Variants in CHRNA10 observed in about 807,000 individuals in gnomAD.
CHRNA10 encodes cholinergic receptor nicotinic alpha 10 subunit.
A neutral mutation model predicts 36.0 loss-of-function variants in CHRNA10; 31 were observed. That is an observed-to-expected ratio of 0.86 (90% CI 0.65 to 1.16). CHRNA10 has a LOEUF of 1.16. Ranked by LOEUF, CHRNA10 falls within the 50% of genes most tolerant of loss-of-function variation. The pLI is 0.00. For missense variants in CHRNA10, 648 were observed against 640.9 expected (o/e 1.01, Z -0.12); for synonymous variants, 302 against 287.0 (o/e 1.05, Z -0.53).
Position 3,666,198 on chromosome 11 carries a change from C to T in CHRNA10, c.1262G>A (p.Arg421His), listed in dbSNP as rs536855924. 15 of 1,613,744 alleles carry T rather than the reference C, an allele frequency of 9.3e-6. No individual in the cohort carries two copies. Among genetic ancestry groups the T allele is most frequent in the East Asian group, 4.5e-5 (2 of 44,882 alleles). The change falls in exon 5 of 5, where the codon CGC (arginine) becomes CAC (histidine). Residue 421 changes from arginine (R) to histidine (H), a missense_variant. Physicochemically the swap from Arg to His is conservative, Grantham distance 29. Coordinates refer to ENST00000250699, the MANE Select transcript of CHRNA10 (RefSeq NM_020402.4). ...AAQRCHEDWKRLARVMDRFFL... is the reference protein window; with the variant it reads ...AAQRCHEDWKHLARVMDRFFL... ...GAAGCGGTCCATCACACGGGCCAGG[C>T]GCTTCCAGTCCTCATGGCAGCGCTG...
At chr11:3,666,689 G>T in intron 4 of CHRNA10, 125 bp from the exon 5 acceptor site, 1 of 715,800 alleles carries the variant, frequency 1.4e-6, no homozygotes, top group Non-Finnish European at 2.2e-6. Context: ...CAAGCCCCAT[G>T]GATGGAAGCA....
chr11:3,669,182 C>A lies in CHRNA10; in HGVS notation c.362+14G>T. 1.9e-6 allele frequency: 3 copies of A among 1,608,454 alleles called. No homozygotes were observed. The highest frequency in any genetic ancestry group is 1.3e-5 in the African/African-American group (1 of 74,968). On this transcript the variant is annotated intron_variant, in intron 3 of 4. Transcript: ENST00000250699. ...AGAGGGGTAAGAGAGAGGAGGGGCC[C>A]AGATAGGCAGTACTTGTTATAGAGT... is the stretch of plus-strand genomic sequence containing the variant.
chr11:3,668,271 T>TG (rs1236135960), intron 3 of CHRNA10, among the ~76,000 whole-genome samples: 1 of 152,164 alleles, frequency 6.6e-6, no homozygotes, highest in African/African-American at 2.4e-5. Context: ...CCCAGCACTT[T>TG]GGGAGGCCGA....
chr11:3,666,283 C>T lies in CHRNA10; in HGVS notation c.1177G>A (p.Glu393Lys). ...GTGGCTACGTGGTGCAGTAGGGCTT[C>T]CTGGCGGCACAGACATCGTGGCTCG... ...CHEPRCLCRQ[E>K]ALLHHVATIA... The change falls in exon 5 of 5, where the codon GAA becomes AAA. Residue 393 changes from glutamate to lysine, a missense_variant. By Grantham distance (56) the Glu-to-Lys change is moderately conservative. Transcript: ENST00000250699. 1 of 1,613,782 alleles carries T rather than the reference C, an allele frequency of 6.2e-7. No homozygotes were observed. Among genetic ancestry groups the T allele is most frequent in the Non-Finnish European group, 8.5e-7 (1 of 1,179,860 alleles).
chr11:3,668,890 C>A, intron 3 of CHRNA10: 1 of 259,134 alleles, frequency 3.9e-6, no homozygotes, highest in Non-Finnish European at 7.3e-6. Flanking sequence ...ACAGGCTCTT[C>A]GGGGAGCCCT....
intron 3 of CHRNA10, 157 bp downstream of exon 3, chr11:3,669,039 G>T: frequency 1.3e-6 from 1 of 751,734 alleles, no homozygotes; most frequent in Non-Finnish European, 2.1e-6. Flanking sequence ...CCATGGAGGG[G>T]CTGAGTGCCT....
intron 1 of CHRNA10, chr11:3,670,961 A>G: frequency 2.0e-6 from 1 of 488,800 alleles, no homozygotes; most frequent in Non-Finnish European, 3.7e-6. Flanking sequence ...GCTCCCCGTC[A>G]TCTGCAGGAG....
intron 3 of CHRNA10, 148 bp from the exon 4 acceptor site, chr11:3,667,912 C>CG: frequency 1.4e-6 from 1 of 698,302 alleles, no homozygotes. Context: ...GAGACACTCA[C>CG]GACGCAGGGG....
chr11:3,669,902 A>G lies in CHRNA10; in HGVS notation c.101T>C (p.Phe34Ser). The change falls in exon 2 of 5, where the codon TTC becomes TCC. Residue 34 changes from phenylalanine (F) to serine (S), a missense_variant. Phe to Ser is a radical substitution (Grantham distance 155). Transcript: ENST00000250699. ...TGTGTAGTTGGCAAAGAGGTCACGG[A>G]ACAGCTTGAGAGCCAGCCGGCCCTC... Reference protein sequence around the residue: ...GAEGRLALKLFRDLFANYTSA... With the variant: ...GAEGRLALKLSRDLFANYTSA... 6.2e-7 allele frequency: 1 copy of G among 1,614,188 alleles called. No individual in the cohort carries two copies. Among genetic ancestry groups the G allele is most frequent in the Non-Finnish European group, 8.5e-7 (1 of 1,180,044 alleles).
Position 3,667,384 on chromosome 11 carries a change from A to G in CHRNA10, c.743T>C (p.Val248Ala), listed in dbSNP as rs1230900470. 2 of 1,601,760 alleles carry G rather than the reference A, an allele frequency of 1.2e-6. No individual in the cohort carries two copies. The highest frequency in any genetic ancestry group is 1.7e-6 in the Non-Finnish European group (2 of 1,178,510). ...GAGCGGCGCAAGCAGCGAGATGAGC[A>G]CGCAGGGCAGCAGCAGGTTGCACAC... ...AYVCNLLLPCVLISLLAPLAF... is the reference protein window; with the variant it reads ...AYVCNLLLPCALISLLAPLAF... The change falls in exon 4 of 5, where the codon GTG (valine) becomes GCG (alanine). Residue 248 changes from valine (V) to alanine (A), a missense_variant. Val to Ala is a moderately conservative substitution (Grantham distance 64, BLOSUM62 0). Coordinates refer to ENST00000250699, the MANE Select transcript of CHRNA10 (RefSeq NM_020402.4).
chr11:3,671,177 T>A, intron 1 of CHRNA10, 75 bp downstream of exon 1: 1 of 1,428,024 alleles, frequency 7.0e-7, no homozygotes, highest in Admixed American at 1.7e-5. Flanking sequence ...AGAGACTACA[T>A]GGAAAGGGAT....
At chr11:3,668,224 C>G (rs749196433) in intron 3 of CHRNA10, among the ~76,000 whole-genome samples, 3 of 152,194 alleles carry the variant, frequency 2.0e-5, no homozygotes, top group Non-Finnish European at 4.4e-5. Context: ...TAATAAACTT[C>G]TGCTTGTGGC....
chr11:3,669,185 A>C lies in CHRNA10; in HGVS notation c.362+11T>G. ...GGGGTAAGAGAGAGGAGGGGCCCAG[A>C]TAGGCAGTACTTGTTATAGAGTACG... On this transcript the variant is annotated intron_variant, in intron 3 of 4. Transcript: ENST00000250699. 6.2e-7 allele frequency: 1 copy of C among 1,609,924 alleles called. No homozygotes were observed. Among genetic ancestry groups the C allele is most frequent in the African/African-American group, 1.3e-5 (1 of 75,006 alleles).
chr11:3,670,056 G>A (rs1307708529), intron 1 of CHRNA10, 115 bp from the exon 2 acceptor site: 14 of 1,132,896 alleles, frequency 1.2e-5, no homozygotes, highest in Non-Finnish European at 1.5e-5. Flanking sequence ...CCTGGTGTCT[G>A]CCTTCTCTTG....
intron 1 of CHRNA10, 128 bp downstream of exon 1, chr11:3,671,124 T>G (rs2077710721): frequency 2.0e-6 from 2 of 985,908 alleles, no homozygotes; most frequent in Non-Finnish European, 3.2e-6. Flanking sequence ...ACTCCCCAAA[T>G]AGAGAGCTTG....
Position 3,666,163 on chromosome 11 carries a change from T to G in CHRNA10, c.1297A>C (p.Ile433Leu). 1 of 1,605,352 alleles carries G rather than the reference T, an allele frequency of 6.2e-7. No homozygotes were observed. Among genetic ancestry groups the G allele is most frequent in the Non-Finnish European group, 8.5e-7 (1 of 1,175,742 alleles). ...ARVMDRFFLA[I>L]FFSMALVMSL... is the part of the protein sequence containing the mutation. Reference sequence around the variant, plus strand: ...ATGACCAGGGCCATGGAGAAGAAGATGGCCAGGAAGAAGCGGTCCATCACA... The same window carrying G: ...ATGACCAGGGCCATGGAGAAGAAGAGGGCCAGGAAGAAGCGGTCCATCACA... The change falls in exon 5 of 5, where the codon ATC becomes CTC. Residue 433 changes from isoleucine to leucine, a missense_variant. Ile to Leu is a conservative substitution (Grantham distance 5). Transcript: ENST00000250699.
rs574550219 is a variant in CHRNA10 at position 3,667,530 on chromosome 11, G to A, written c.597C>T (p.Asn199=). 60 of 1,586,442 alleles carry A rather than the reference G, an allele frequency of 3.8e-5. No homozygotes were observed. In the South Asian group the frequency reaches 6.6e-4, roughly 17 times the overall value. ...GCATGCCCAGCACGCGCCACTCCAC[G>A]TTCTCCACGAAGTCCGCCAGGCTGG... ...AAASLADFVE[N]VEWRVLGMPA... The change falls in exon 4 of 5, where the codon AAC becomes AAT. Residue 199 remains asparagine, a synonymous_variant. Transcript: ENST00000250699.
chr11:3,668,868 A>G lies in CHRNA10; in HGVS notation c.362+328T>C, dbSNP rs2077690985. 1.3e-5 allele frequency: 3 copies of G among 222,434 alleles called. No homozygotes were observed. The East Asian group carries it at 3.2e-4, about 24-fold the overall frequency. The allele number at this position is 222,434 out of a possible 1,614,324, so 13.8% of individuals were successfully genotyped here. A position where few individuals can be genotyped will look rare whatever the true frequency, so the allele number is the denominator to read the frequency against. ...TCCAGAGGGCTATGTCCTGGAGGAA[A>G]GAGACCCTTACACAGGCTCTTCGGG... On this transcript the variant is annotated intron_variant, in intron 3 of 4. Coordinates refer to ENST00000250699, the MANE Select transcript of CHRNA10 (RefSeq NM_020402.4).
rs778101585 is a variant in CHRNA10 at position 3,669,949 on chromosome 11, G to A, written c.62-8C>T. 3 of 1,613,944 alleles carry A rather than the reference G, an allele frequency of 1.9e-6. No individual in the cohort carries two copies. The highest frequency in any genetic ancestry group is 1.7e-5 in the Admixed American group (1 of 59,998). ...CCTCAGCTCCCAGGCACTCTGGAGG[G>A]TCAGTAAGGAGGGTTGTCCATCCCA... On this transcript the variant is annotated splice_region_variant and splice_polypyrimidine_tract_variant and intron_variant, in intron 1 of 4. Transcript: ENST00000250699.
Sources: gnomAD v4.1 joint callset for allele counts (sites outside exome capture counted in the v4.1 genomes callset) on GRCh38, gnomAD v4.1.1 for gene constraint, MANE v1.5 for transcripts, NCBI Gene and HGNC (gene_info 2026-07-23, HGNC 2026-07-21) for gene names.